RAD50: variants seen among roughly 807,000 people sequenced by gnomAD.
The protein encoded by RAD50 is RAD50 double strand break repair protein.
RAD50 carries 132 observed loss-of-function variants against 168.8 expected under a neutral mutation model. The observed-to-expected ratio is 0.78, with a 90% CI of 0.68 to 0.90. RAD50 has a LOEUF of 0.90. Among genes scored for constraint, RAD50 ranks in the 40% least tolerant of loss-of-function variants. The pLI is 0.00. For synonymous variants in RAD50, 525 were observed against 497.4 expected, an observed-to-expected ratio of 1.06 and a Z score of -0.74; for missense variants, 1,347 against 1,534.4, an observed-to-expected ratio of 0.88 and a Z score of 2.04.
At position 132,643,137 on chromosome 5, in the gene RAD50, T is replaced by C; in HGVS notation, c.*773T>C. 1 of 511,780 alleles carries C rather than the reference T, an allele frequency of 2.0e-6. No homozygotes were observed. The allele number at this position is 511,780 out of a possible 1,614,324, so 31.7% of individuals were successfully genotyped here. On this transcript the variant is annotated 3_prime_UTR_variant, in exon 25 of 25. Coordinates refer to ENST00000378823, the MANE Select transcript of RAD50 (RefSeq NM_005732.4). The stretch of plus-strand genomic sequence containing the variant: ...GAAGCCTGTAACACTCCTCTGCGTC[T>C]ATCCTGTGTAGCATACTGGCTTCAC...
intron 23 of RAD50, 62 bp downstream of exon 23, chr5:132,638,285 A>G: frequency 1.3e-6 from 2 of 1,593,888 alleles, no homozygotes; most frequent in East Asian, 2.2e-5. Context: ...AGAAACAAAC[A>G]TCAGTGCAGT....
Position 132,579,411 on chromosome 5 carries a change from G to A in RAD50, c.460G>A (p.Val154Ile), listed in dbSNP as rs1316128291. 1 of 1,613,686 alleles carries A rather than the reference G, an allele frequency of 6.2e-7. No homozygotes were observed. Among genetic ancestry groups the A allele is most frequent in the Non-Finnish European group, 8.5e-7 (1 of 1,179,672 alleles). Residue 154 changes from valine to isoleucine, a missense_variant, in exon 4 of 25, where the codon GTC (valine) becomes ATC (isoleucine). By Grantham distance (29) the Val-to-Ile change is conservative. Coordinates refer to ENST00000378823, the MANE Select transcript of RAD50 (RefSeq NM_005732.4). ...GGTTTCCAAGGCTGTGCTAAATAATGTCATTTTCTGTCATCAAGAAGATTC... is the reference window on the plus strand; with the variant it reads ...GGTTTCCAAGGCTGTGCTAAATAATATCATTTTCTGTCATCAAGAAGATTC... Reference protein sequence around the residue: ...LGVSKAVLNNVIFCHQEDSNW... With the variant: ...LGVSKAVLNNIIFCHQEDSNW...
chr5:132,619,819 T>TCTCTCTCTCTCTCCTC (rs1751246502), intron 21 of RAD50, among the ~76,000 whole-genome samples: 1 of 116,416 alleles, frequency 8.6e-6, no homozygotes, highest in African/African-American at 4.6e-5. Flanking sequence ...TCTACTCCTC[T>TCTCTCTCTCTCTCCTC]CTCTCTCTCT....
rs1313633792 is a variant in RAD50 at position 132,579,299 on chromosome 5, G to C, written c.366-18G>C. On this transcript the variant is annotated intron_variant, in intron 3 of 24. Coordinates refer to ENST00000378823, the MANE Select transcript of RAD50 (RefSeq NM_005732.4). ...TGAAGGTTATTTTACATATATTCTT[G>C]ATTTTCATTTTCTGTAGGCATGGTG... The C allele has an allele frequency of 1.2e-6, 2 of 1,609,720 alleles. No individual in the cohort carries two copies. Among genetic ancestry groups the C allele is most frequent in the African/African-American group, 2.7e-5 (2 of 74,880 alleles).
intron 5 of RAD50, among the ~76,000 whole-genome samples, chr5:132,580,963 TA>T (rs1561636613): frequency 6.6e-6 from 1 of 152,100 alleles, no homozygotes; most frequent in Non-Finnish European, 1.5e-5. Flanking sequence ...AGAAAATATA[TA>T]TATATTTTTA....
intron 2 of RAD50, among the ~76,000 whole-genome samples, chr5:132,566,950 T>G (rs1344589986): frequency 6.6e-6 from 1 of 152,240 alleles, no homozygotes; most frequent in Non-Finnish European, 1.5e-5. Flanking sequence ...TAGATGCTCC[T>G]GCTTTGTACT....
At chr5:132,624,364 ATTTGTTT>A (rs1751335101) in intron 21 of RAD50, among the ~76,000 whole-genome samples, 2 of 152,008 alleles carry the variant, frequency 1.3e-5, no homozygotes, top group African/African-American at 4.8e-5. Flanking sequence ...ACATACATAT[ATTTGTTT>A]TTTGTTTTTT....
At chr5:132,598,290 A>G (rs1460297076) in intron 13 of RAD50, among the ~76,000 whole-genome samples, 2 of 151,636 alleles carry the variant, frequency 1.3e-5, no homozygotes, top group African/African-American at 4.9e-5. Flanking sequence ...ACCTCAGGCA[A>G]TCGCCTGCCT....
Position 132,642,465 on chromosome 5 carries a change from C to T in RAD50, c.*101C>T, listed in dbSNP as rs1751751162. 4.5e-6 allele frequency: 5 copies of T among 1,099,746 alleles called. No individual in the cohort carries two copies. The highest frequency in any genetic ancestry group is 2.4e-5 in the Admixed American group (1 of 42,118). 68.1% of individuals were successfully genotyped at this position (1,099,746 alleles called of 1,614,324 possible). ...AACTTAGTCAATAAGAAAATATATTCTTTCAAAGGAACATTGTGTCTAGGA... is the reference window on the plus strand; with the variant it reads ...AACTTAGTCAATAAGAAAATATATTTTTTCAAAGGAACATTGTGTCTAGGA... On this transcript the variant is annotated 3_prime_UTR_variant, in exon 25 of 25. Transcript: ENST00000378823.
At chr5:132,584,401 G>C (rs917835434) in intron 5 of RAD50, among the ~76,000 whole-genome samples, 5 of 152,030 alleles carry the variant, frequency 3.3e-5, no homozygotes, top group Non-Finnish European at 7.4e-5. Flanking sequence ...TGTAGATTCT[G>C]GATATTAGCC....
At chr5:132,574,074 C>T (rs1273480834) in intron 2 of RAD50, among the ~76,000 whole-genome samples, 1 of 152,206 alleles carries the variant, frequency 6.6e-6, no homozygotes, top group South Asian at 2.1e-4. Flanking sequence ...GTCTGGAGGA[C>T]AGTGGCTGTC....
At chr5:132,611,413 G>A (rs1293246776) in intron 19 of RAD50, among the ~76,000 whole-genome samples, 1 of 143,974 alleles carries the variant, frequency 6.9e-6, no homozygotes, top group Non-Finnish European at 1.5e-5. Context: ...CAAACAAACA[G>A]AAACAAAAAC....
intron 5 of RAD50, among the ~76,000 whole-genome samples, chr5:132,584,847 A>G (rs1016062616): frequency 1.3e-5 from 2 of 151,706 alleles, no homozygotes; most frequent in Non-Finnish European, 2.9e-5. Flanking sequence ...CCGCAAGAAC[A>G]AAAAACCAAA....
rs561992053 is a variant in RAD50, at chr5:132,575,921, A to C, written c.358A>C (p.Arg120=). Residue 120 remains arginine, a synonymous_variant, in exon 3 of 25, where the codon AGA becomes CGA. Coordinates refer to ENST00000378823, the MANE Select transcript of RAD50 (RefSeq NM_005732.4). ...TAAAACTCTGGAAGGAGTCATTACT[A>C]GAACAAAGTAGGTGTTTATATGATA... ...EFKTLEGVIT[R]TKHGEKVSLS... is the part of the protein sequence containing the mutation. 14 of 1,608,240 alleles carry C rather than the reference A, an allele frequency of 8.7e-6. No individual in the cohort carries two copies. The South Asian group carries it at 1.5e-4, about 18-fold the overall frequency.
At chr5:132,587,457 A>C in intron 5 of RAD50, 105 bp from the exon 6 acceptor site, 1 of 1,491,802 alleles carries the variant, frequency 6.7e-7, no homozygotes, top group Non-Finnish European at 9.0e-7. Flanking sequence ...CTTAAATGAG[A>C]TCACTTTTAC....
chr5:132,583,682 A>G (rs1750544612), intron 5 of RAD50, among the ~76,000 whole-genome samples: 1 of 146,286 alleles, frequency 6.8e-6, no homozygotes, highest in African/African-American at 2.5e-5. Context: ...TGTGTGAGTA[A>G]TTCATTCCTT....
chr5:132,561,521 CAA>C (rs758389413), intron 2 of RAD50, among the ~76,000 whole-genome samples: 5 of 152,264 alleles, frequency 3.3e-5, no homozygotes, highest in Admixed American at 6.5e-5. Flanking sequence ...CAGTGTGACA[CAA>C]GAGTTGGCCA....
At chr5:132,564,942 C>G (rs1385529829) in intron 2 of RAD50, among the ~76,000 whole-genome samples, 1 of 152,298 alleles carries the variant, frequency 6.6e-6, no homozygotes, top group East Asian at 1.9e-4. Flanking sequence ...TGGGAGCCTC[C>G]ACCTAGATTT....
chr5:132,646,221 CATAA>C lies in RAD50; in HGVS notation c.*3860_*3863del, dbSNP rs1172062163. On this transcript the variant is annotated 3_prime_UTR_variant, in exon 25 of 25. Transcript: ENST00000378823. ...AACCACCATCTATACACTGATAACTCATAAATGTTTGTGTCCAATCCAGATCTCT... is the reference window on the plus strand; with the variant it reads ...AACCACCATCTATACACTGATAACTCATGTTTGTGTCCAATCCAGATCTCT... The C allele has an allele frequency of 2.6e-5, 4 of 151,732 alleles. No individual in the cohort carries two copies. The highest frequency in any genetic ancestry group is 5.9e-5 in the Non-Finnish European group (4 of 67,966). 9.4% of individuals were successfully genotyped at this position (151,732 alleles called of 1,614,324 possible). A position where few individuals can be genotyped will look rare whatever the true frequency, so the allele number is the denominator to read the frequency against.
Sources: allele counts gnomAD v4.1 joint callset (sites outside exome capture counted in the v4.1 genomes callset), GRCh38; gene constraint gnomAD v4.1.1; transcripts MANE v1.5; gene names NCBI Gene and HGNC (gene_info 2026-07-23, HGNC 2026-07-21).